The following UBAC1 variants were observed in gnomAD, a reference collection of about 807,000 sequenced individuals.
The protein encoded by UBAC1 is UBA domain containing 1, also known as ubiquitin-associated domain-containing protein 1.
In UBAC1, 27 loss-of-function variants were observed where a neutral mutation model predicts 45.9. That is an observed-to-expected ratio of 0.59 (90% CI 0.43 to 0.81). The LOEUF (loss-of-function observed/expected upper bound fraction) is 0.81, where lower values mean the gene tolerates loss of function less well. Ranked by LOEUF, UBAC1 falls within the 30% of genes least tolerant of loss-of-function variation. The pLI is 0.00. For missense variants in UBAC1, 529 were observed against 539.2 expected (o/e 0.98, Z 0.19); for synonymous variants, 227 against 215.5 (o/e 1.05, Z -0.47).
At chr9:135,946,102 C>T in intron 5 of UBAC1, 105 bp from the exon 6 acceptor site, 2 of 1,199,660 alleles carry the variant, frequency 1.7e-6, no homozygotes, top group Non-Finnish European at 2.4e-6. Context: ...CACCTGCCCG[C>T]CCTCAGGCAC....
chr9:135,956,241 C>T (rs924524645), intron 1 of UBAC1, among the ~76,000 whole-genome samples: 3 of 152,306 alleles, frequency 2.0e-5, no homozygotes, highest in Middle Eastern at 3.4e-3. Context: ...TTGGAGCAGA[C>T]GGCCATGACC....
At chr9:135,943,093 A>G (rs1317576504) in intron 7 of UBAC1, among the ~76,000 whole-genome samples, 1 of 152,344 alleles carries the variant, frequency 6.6e-6, no homozygotes, top group East Asian at 1.9e-4. Context: ...CCCATTAAAA[A>G]GTGGGCAAAG....
intron 3 of UBAC1, among the ~76,000 whole-genome samples, chr9:135,950,183 G>A (rs1054663335): frequency 6.6e-6 from 1 of 152,236 alleles, no homozygotes; most frequent in African/African-American, 2.4e-5. Context: ...GAAACCAGCT[G>A]AGCTCACCCA....
intron 7 of UBAC1, among the ~76,000 whole-genome samples, chr9:135,940,262 T>C (rs941854282): frequency 3.4e-5 from 5 of 146,218 alleles, no homozygotes; most frequent in Non-Finnish European, 3.0e-5. Context: ...AAAAAGGTTT[T>C]ATTCAGATTT....
intron 7 of UBAC1, among the ~76,000 whole-genome samples, chr9:135,941,128 G>A (rs566653543): frequency 3.9e-5 from 6 of 152,356 alleles, no homozygotes; most frequent in South Asian, 4.1e-4. Context: ...AGTCCCAGCC[G>A]GGAGCAGTGG....
At chr9:135,936,426 T>G (rs1407809144) in intron 9 of UBAC1, among the ~76,000 whole-genome samples, 2 of 151,994 alleles carry the variant, frequency 1.3e-5, no homozygotes, top group African/African-American at 4.8e-5. Context: ...TAAGAGAAAC[T>G]TTTAACATTT....
At chr9:135,940,498 T>A (rs569282494) in intron 7 of UBAC1, among the ~76,000 whole-genome samples, 1 of 149,488 alleles carries the variant, frequency 6.7e-6, no homozygotes, top group Non-Finnish European at 1.5e-5. Flanking sequence ...GAGAATGGCA[T>A]GAACCTGGAA....
intron 8 of UBAC1, among the ~76,000 whole-genome samples, chr9:135,939,279 C>T (rs1839238527): frequency 6.7e-6 from 1 of 149,644 alleles, no homozygotes; most frequent in Non-Finnish European, 1.5e-5. Flanking sequence ...CTTTTAAAAA[C>T]CTAGAATTCC....
At chr9:135,940,223 G>A (rs1055634382) in intron 7 of UBAC1, among the ~76,000 whole-genome samples, 5 of 151,856 alleles carry the variant, frequency 3.3e-5, no homozygotes, top group South Asian at 2.1e-4. Context: ...CAATCTCAAC[G>A]GAAACAAAAA....
intron 1 of UBAC1, among the ~76,000 whole-genome samples, chr9:135,956,925 G>A (rs978359340): frequency 6.6e-6 from 1 of 152,204 alleles, no homozygotes; most frequent in African/African-American, 2.4e-5. Context: ...GCATGGCCCA[G>A]CCTGGAGCTG....
rs779717112 is a variant in UBAC1 at position 135,961,061 on chromosome 9, G to A, written c.102C>T (p.Thr34=). The A allele has an allele frequency of 3.8e-6, 6 of 1,581,764 alleles. No individual in the cohort carries two copies. The South Asian group carries it at 5.7e-5, about 15-fold the overall frequency. Residue 34 remains threonine (T), a synonymous_variant, in exon 1 of 10, where the codon ACC becomes ACT. Coordinates refer to ENST00000371756, the MANE Select transcript of UBAC1 (RefSeq NM_016172.3). ...AGCGCTCCTTGAGCTTCTCCACCGAGGTGTCCTCGGTGGCCTCCTCCAGCC... is the reference window on the plus strand; with the variant it reads ...AGCGCTCCTTGAGCTTCTCCACCGAAGTGTCCTCGGTGGCCTCCTCCAGCC... ...AEWLEEATED[T]SVEKLKERCL... is the part of the protein sequence containing the mutation.
At chr9:135,954,316 A>G (rs1270083381) in intron 2 of UBAC1, among the ~76,000 whole-genome samples, 1 of 152,046 alleles carries the variant, frequency 6.6e-6, no homozygotes, top group East Asian at 1.9e-4. Flanking sequence ...ATGGTGGCAC[A>G]TGCCCGTAGT....
chr9:135,939,117 G>A (rs752249200), intron 8 of UBAC1, among the ~76,000 whole-genome samples: 4 of 151,678 alleles, frequency 2.6e-5, no homozygotes, highest in South Asian at 4.2e-4. Flanking sequence ...CAGGAGGATC[G>A]CTTGGGCCCA....
In UBAC1 at chr9:135,961,071, G is replaced by A. The variant is rs147165858; in HGVS notation, c.92C>T (p.Thr31Ile). The A allele has an allele frequency of 6.3e-7, 1 of 1,583,346 alleles. No individual in the cohort carries two copies. Among genetic ancestry groups the A allele is most frequent in the Admixed American group, 1.7e-5 (1 of 57,578 alleles). ...SDGAEWLEEA[T>I]EDTSVEKLKE... is the part of the protein sequence containing the mutation. Reference sequence around the variant, plus strand: ...GAGCTTCTCCACCGAGGTGTCCTCGGTGGCCTCCTCCAGCCACTCGGCGCC... The same window carrying A: ...GAGCTTCTCCACCGAGGTGTCCTCGATGGCCTCCTCCAGCCACTCGGCGCC... Residue 31 changes from threonine to isoleucine, a missense_variant, in exon 1 of 10, where the codon ACC (threonine) becomes ATC (isoleucine). Transcript: ENST00000371756.
At chr9:135,955,442 AG>A in intron 1 of UBAC1, 27 bp from the exon 2 acceptor site, 1 of 1,506,406 alleles carries the variant, frequency 6.6e-7, no homozygotes. Flanking sequence ...ATTTCAAGGT[AG>A]AAAATAAGTA....
At chr9:135,954,154 AAAG>A (rs1458657474) in intron 2 of UBAC1, among the ~76,000 whole-genome samples, 2,947 of 149,354 alleles carry the variant, frequency 0.02, 75 homozygotes, top group Non-Finnish European at 0.022. Flanking sequence ...AAAAAAAAAA[AAAG>A]AAGAAGAGCA....
chr9:135,941,491 T>C (rs553776455), intron 7 of UBAC1, among the ~76,000 whole-genome samples: 10 of 152,284 alleles, frequency 6.6e-5, no homozygotes, highest in African/African-American at 2.4e-4. Flanking sequence ...GCTCCAACAA[T>C]GAACTCTGGA....
In UBAC1 at chr9:135,960,411, G is replaced by A. The variant is rs1588537985; in HGVS notation, c.138+614C>T. Among the ~76,000 whole-genome samples, 4 of 152,150 alleles carry A rather than the reference G, an allele frequency of 2.6e-5. No homozygotes were observed. The South Asian group carries it at 8.3e-4, about 32-fold the overall frequency. ...TTTACCTCTGCAGAAAAGCAGGGGC[G>A]CAGGGCCTTGTCCCGCAGCGGCACT... On this transcript the variant is annotated intron_variant, in intron 1 of 9. Transcript: ENST00000371756.
At chr9:135,956,581 C>T (rs571482731) in intron 1 of UBAC1, among the ~76,000 whole-genome samples, 6 of 152,258 alleles carry the variant, frequency 3.9e-5, no homozygotes, top group Non-Finnish European at 5.9e-5. Context: ...GCCCGACACA[C>T]GACAGCACAG....
Sources: gnomAD v4.1 joint callset for allele counts (sites outside exome capture counted in the v4.1 genomes callset) on GRCh38, gnomAD v4.1.1 for gene constraint, MANE v1.5 for transcripts, NCBI Gene and HGNC (gene_info 2026-07-23, HGNC 2026-07-21) for gene names.